RNF139: variants seen among roughly 807,000 people sequenced by gnomAD.
RNF139 encodes the protein ring finger protein 139.
Under a neutral mutation model 49.5 loss-of-function variants are expected in RNF139, and 15 were observed. The ratio of observed to expected loss-of-function variants is 0.30; its 90% CI spans 0.20 to 0.47. The LOEUF is 0.47. Among genes scored for constraint, RNF139 ranks in the 20% least tolerant of loss-of-function variants. RNF139 has a pLI of 1.00. For synonymous variants in RNF139, 325 were observed against 300.9 expected (o/e 1.08, Z -0.83); for missense variants, 619 against 806.3 (o/e 0.77, Z 2.81).
chr8:124,483,928 G>A (rs1322797180), intron 1 of RNF139, among the ~76,000 whole-genome samples: 1 of 152,090 alleles, frequency 6.6e-6, no homozygotes, highest in Non-Finnish European at 1.5e-5. Flanking sequence ...TCCATAGATG[G>A]ACAGGGTAGG....
Position 124,486,987 on chromosome 8 carries a change from T to C in RNF139, c.1338T>C (p.Ile446=). The C allele has an allele frequency of 1.2e-6, 2 of 1,614,098 alleles. No homozygotes were observed. Among genetic ancestry groups the C allele is most frequent in the Non-Finnish European group, 1.7e-6 (2 of 1,179,972 alleles). The part of the protein sequence containing the change: ...VSLTVYTLFM[I]DGYYNVLWEK... ...TCACTGTTTATACGTTATTCATGAT[T>C]GATGGCTACTATAATGTCCTCTGGG... The change falls in exon 2 of 2, where the codon ATT becomes ATC. Residue 446 remains isoleucine (I), a synonymous_variant. Coordinates refer to ENST00000303545, the MANE Select transcript of RNF139 (RefSeq NM_007218.4).
intron 1 of RNF139, among the ~76,000 whole-genome samples, chr8:124,482,679 T>G (rs1489836499): frequency 6.6e-6 from 1 of 151,576 alleles, no homozygotes; most frequent in Non-Finnish European, 1.5e-5. Context: ...ATAATCGCAG[T>G]AGTTTGGGAG....
In RNF139 at chr8:124,478,964, A is replaced by T. The variant is rs113027485; in HGVS notation, c.181+3674A>T. ...GTTCTCCAACTCCCGACCTCAGGTG[A>T]TCTGCCCACATCGTCCTCCCAGAGT... On this transcript the variant is annotated intron_variant, in intron 1 of 1. Coordinates refer to ENST00000303545, the MANE Select transcript of RNF139 (RefSeq NM_007218.4). Among the ~76,000 whole-genome samples the T allele has an allele frequency of 3.9e-3, 600 of 152,212 alleles. 5 individuals are homozygous for T. Among genetic ancestry groups the T allele is most frequent in the African/African-American group, 0.014 (563 of 41,546 alleles).
At chr8:124,475,435 G>T (rs1004749698) in intron 1 of RNF139, 145 bp downstream of exon 1, 2 of 807,242 alleles carry the variant, frequency 2.5e-6, no homozygotes, top group Non-Finnish European at 3.8e-6. Flanking sequence ...GTCTTTACGG[G>T]TTGGGAGGGG....
chr8:124,477,052 C>T (rs1242993746), intron 1 of RNF139, among the ~76,000 whole-genome samples: 1 of 152,098 alleles, frequency 6.6e-6, no homozygotes, highest in African/African-American at 2.4e-5. Context: ...GTGAGGTTAT[C>T]TGTTTCATAG....
Position 124,487,735 on chromosome 8 carries a change from A to C in RNF139, c.*91A>C. On this transcript the variant is annotated 3_prime_UTR_variant, in exon 2 of 2. Transcript: ENST00000303545. Reference sequence around the variant, plus strand: ...TATCCTTCACCTTCAGTGTGTAACCAAGCACAAAAACAGTATCAATGTTGA... The same window carrying C: ...TATCCTTCACCTTCAGTGTGTAACCCAGCACAAAAACAGTATCAATGTTGA... 16 of 1,279,536 alleles carry C rather than the reference A, an allele frequency of 1.3e-5. No individual in the cohort carries two copies. The highest frequency in any genetic ancestry group is 1.7e-5 in the Non-Finnish European group (16 of 939,454). 79.3% of individuals were successfully genotyped at this position (1,279,536 alleles called of 1,614,324 possible).
rs1816284603 is a variant in RNF139 at position 124,475,039 on chromosome 8, C to T, written c.-71C>T. On this transcript the variant is annotated 5_prime_UTR_variant, in exon 1 of 2. Coordinates refer to ENST00000303545, the MANE Select transcript of RNF139 (RefSeq NM_007218.4). ...GAGTTGCCCGCCTTAGCCCCCGCCC[C>T]CGGCCGCGGCCCCGGGCCCTGCCCC... The T allele has an allele frequency of 2.7e-6, 3 of 1,119,702 alleles. No individual in the cohort carries two copies. In the South Asian group the frequency reaches 1.2e-4, roughly 46 times the overall value. The allele number at this position is 1,119,702 out of a possible 1,614,324, so 69.4% of individuals were successfully genotyped here.
Position 124,487,342 on chromosome 8 carries a change from C to A in RNF139, c.1693C>A (p.His565Asn). The A allele has an allele frequency of 6.2e-7, 1 of 1,614,060 alleles. No homozygotes were observed. Among genetic ancestry groups the A allele is most frequent in the South Asian group, 1.1e-5 (1 of 91,072 alleles). The change falls in exon 2 of 2, where the codon CAT becomes AAT. Residue 565 changes from histidine to asparagine, a missense_variant. Around this residue, in one of 2 missense-constraint regions of RNF139, gnomAD observed 530 missense variants for 728.9 expected, o/e 0.73. Transcript: ENST00000303545. ...TTSARITPCN[H>N]YFHALCLRKW... ...ATCTGCTCGTATTACACCGTGTAAT[C>A]ATTATTTCCATGCACTTTGCCTTCG...
Position 124,474,957 on chromosome 8 carries a change from C to A in RNF139, c.-153C>A, listed in dbSNP as rs1177320429. 7.0e-6 allele frequency: 3 copies of A among 425,686 alleles called. No homozygotes were observed. Among genetic ancestry groups the A allele is most frequent in the Admixed American group, 4.8e-5 (1 of 20,782 alleles). The allele number at this position is 425,686 out of a possible 1,614,324, so 26.4% of individuals were successfully genotyped here. A position where few individuals can be genotyped will look rare whatever the true frequency, so the allele number is the denominator to read the frequency against. Reference sequence around the variant, plus strand: ...GCCGCCTGCTCCACCTCGAGGGACGCGAGCGGGCGGCGGGGCTGGCCGTGA... The same window carrying A: ...GCCGCCTGCTCCACCTCGAGGGACGAGAGCGGGCGGCGGGGCTGGCCGTGA... On this transcript the variant is annotated 5_prime_UTR_variant, in exon 1 of 2. Coordinates refer to ENST00000303545, the MANE Select transcript of RNF139 (RefSeq NM_007218.4). The surrounding 1 kb of genome is among the most constrained non-coding windows in gnomAD (Gnocchi z 4.6).
Position 124,485,812 on chromosome 8 carries a change from TTTTC to T in RNF139, c.182-7_182-4del, listed in dbSNP as rs755768750. On this transcript the variant is annotated splice_polypyrimidine_tract_variant and intron_variant, in intron 1 of 1. Transcript: ENST00000303545. The stretch of plus-strand genomic sequence containing the variant: ...TTACAAATACTTCATTCAAATGACT[TTTTC>T]TTTCTTTCTTTTAGGTGTATTTGCA... 358 of 1,549,464 alleles carry T rather than the reference TTTTC, an allele frequency of 2.3e-4. 3 individuals are homozygous for T. In the South Asian group the frequency reaches 2.8e-3, roughly 12 times the overall value.
At chr8:124,483,060 A>T (rs1490218004) in intron 1 of RNF139, among the ~76,000 whole-genome samples, 4 of 35,986 alleles carry the variant, frequency 1.1e-4, no homozygotes, top group Non-Finnish European at 2.1e-4. Context: ...TATCTATTAA[A>T]AATATATATA....
chr8:124,477,155 G>T (rs1816327947), intron 1 of RNF139, among the ~76,000 whole-genome samples: 1 of 152,110 alleles, frequency 6.6e-6, no homozygotes, highest in Admixed American at 6.6e-5. Context: ...CAAAATATTG[G>T]TGTTGTTTAT....
At chr8:124,482,747 A>G (rs2131302039) in intron 1 of RNF139, among the ~76,000 whole-genome samples, 1 of 150,842 alleles carries the variant, frequency 6.6e-6, no homozygotes, top group East Asian at 2.0e-4. Flanking sequence ...ACCAACGTGG[A>G]AAAACCCTGT....
chr8:124,475,487 C>G (rs189418140), intron 1 of RNF139, among the ~76,000 whole-genome samples, 197 bp downstream of exon 1: 331 of 152,294 alleles, frequency 2.2e-3, no homozygotes, highest in Non-Finnish European at 3.8e-3. Flanking sequence ...GGAGCAGTCC[C>G]CCTAGCGAGG....
At chr8:124,483,194 G>T (rs1396952294) in intron 1 of RNF139, among the ~76,000 whole-genome samples, 1 of 102,428 alleles carries the variant, frequency 9.8e-6, no homozygotes, top group South Asian at 3.2e-4. Context: ...GGGGAATCAG[G>T]TGGTTTGTAT....
chr8:124,482,878 A>G (rs868865794), intron 1 of RNF139, among the ~76,000 whole-genome samples: 1 of 144,948 alleles, frequency 6.9e-6, no homozygotes, highest in African/African-American at 2.6e-5. Context: ...GTGAGCCAAG[A>G]TCACGCCATT....
intron 1 of RNF139, among the ~76,000 whole-genome samples, chr8:124,481,537 C>G (rs973565403): frequency 3.9e-5 from 6 of 152,070 alleles, no homozygotes; most frequent in African/African-American, 1.2e-4. Context: ...TGAACTCTTT[C>G]ATGAGTTGAG....
chr8:124,487,017 G>C lies in RNF139; in HGVS notation c.1368G>C (p.Lys456Asn). The C allele has an allele frequency of 1.2e-6, 2 of 1,614,072 alleles. No homozygotes were observed. The highest frequency in any genetic ancestry group is 1.6e-4 in the Middle Eastern group (1 of 6,062). Residue 456 changes from lysine (K) to asparagine (N), a missense_variant, in exon 2 of 2, where the codon AAG becomes AAC. This residue lies in a region of RNF139 where 530 missense variants were observed against 728.9 expected (regional missense o/e 0.73). Transcript: ENST00000303545. ...IDGYYNVLWE[K>N]LDDYVYYVRS... ...GCTACTATAATGTCCTCTGGGAAAAGCTTGACGATTATGTCTACTACGTTC... is the reference window on the plus strand; with the variant it reads ...GCTACTATAATGTCCTCTGGGAAAACCTTGACGATTATGTCTACTACGTTC...
chr8:124,484,811 T>C (rs1032785483), intron 1 of RNF139, among the ~76,000 whole-genome samples: 1 of 152,134 alleles, frequency 6.6e-6, no homozygotes, highest in African/African-American at 2.4e-5. Context: ...GTTACTTTTG[T>C]AATGTGAAGA....
Sources: gnomAD v4.1 joint callset for allele counts (sites outside exome capture counted in the v4.1 genomes callset) on GRCh38, gnomAD v4.1.1 for gene constraint, gnomAD v4.1.1 regional missense constraint, Gnocchi (gnomAD v3.1) non-coding constraint, MANE v1.5 for transcripts, NCBI Gene and HGNC (gene_info 2026-07-23, HGNC 2026-07-21) for gene names.